Variants in ASTN2 observed in about 807,000 individuals in gnomAD.
ASTN2 encodes the protein astrotactin-2.
In ASTN2, 54 loss-of-function variants were observed where a neutral mutation model predicts 139.8. The observed-to-expected ratio is 0.39, with a 90% CI of 0.31 to 0.48. The LOEUF is 0.48. Ranked by LOEUF, ASTN2 falls within the 20% of genes least tolerant of loss-of-function variation. ASTN2 has a pLI of 0.95. For synonymous variants in ASTN2, 756 were observed against 719.5 expected, an observed-to-expected ratio of 1.05 and a Z score of -0.81; for missense variants, 1,565 against 1,725.1, an observed-to-expected ratio of 0.91 and a Z score of 1.64.
chr9:117,293,773 T>C (rs1221574766), intron 1 of ASTN2, among the ~76,000 whole-genome samples: 1 of 152,244 alleles, frequency 6.6e-6, no homozygotes, highest in Non-Finnish European at 1.5e-5. Context: ...GTAAATGGTC[T>C]GGCTCATTTT....
In ASTN2 at chr9:116,440,710, C is replaced by T. The variant is rs1177740339; in HGVS notation, c.3681G>A (p.Glu1227=). ...EQQMAYNTLM[E]VSASMLFRVQ... ...CTCGGAACAGCATCGAGGCTGAGACCTCCATCAGTGTGTTGTAGGCCATCT... is the reference window on the plus strand; with the variant it reads ...CTCGGAACAGCATCGAGGCTGAGACTTCCATCAGTGTGTTGTAGGCCATCT... The change falls in exon 22 of 23, where the codon GAG becomes GAA. Residue 1227 remains glutamate, a synonymous_variant. Transcript: ENST00000313400. 1 of 1,614,180 alleles carries T rather than the reference C, an allele frequency of 6.2e-7. No individual in the cohort carries two copies. The highest frequency in any genetic ancestry group is 1.1e-5 in the South Asian group (1 of 91,078).
chr9:116,796,162 T>C (rs1057511071), intron 13 of ASTN2, among the ~76,000 whole-genome samples: 3 of 152,162 alleles, frequency 2.0e-5, no homozygotes, highest in African/African-American at 7.2e-5. Context: ...CACCAGGAAG[T>C]GGGCATTGTT....
At chr9:116,594,970 C>A (rs1437960973) in intron 19 of ASTN2, among the ~76,000 whole-genome samples, 1 of 152,162 alleles carries the variant, frequency 6.6e-6, no homozygotes, top group Non-Finnish European at 1.5e-5. Flanking sequence ...TACACACATA[C>A]ATACATAATT....
chr9:116,455,348 CA>C (rs34816182), intron 20 of ASTN2, among the ~76,000 whole-genome samples: 37,540 of 123,346 alleles, frequency 0.3, 4,781 homozygotes, highest in East Asian at 0.6. Context: ...GATTCTGTCT[CA>C]AAAAAAAAAA....
At chr9:116,810,367 C>A (rs895053728) in intron 12 of ASTN2, among the ~76,000 whole-genome samples, 1 of 152,126 alleles carries the variant, frequency 6.6e-6, no homozygotes, top group Non-Finnish European at 1.5e-5. Flanking sequence ...CTAACAGAGT[C>A]CAAATGCTGA....
chr9:116,784,442 A>C (rs1830306771), intron 13 of ASTN2, among the ~76,000 whole-genome samples: 1 of 152,244 alleles, frequency 6.6e-6, no homozygotes, highest in Non-Finnish European at 1.5e-5. Flanking sequence ...CATTAATATT[A>C]TTAGACAGTA....
chr9:116,687,226 A>G (rs1264230299), intron 16 of ASTN2: 1 of 1,004,482 alleles, frequency 1.0e-6, no homozygotes, highest in Non-Finnish European at 1.2e-6. Flanking sequence ...GGCCAGCTGC[A>G]CGACAAGCCC....
At position 116,746,539 on chromosome 9, in the gene ASTN2, C is replaced by A. The variant is rs560099880; in HGVS notation, c.2397-13016G>T. Among the ~76,000 whole-genome samples the A allele has an allele frequency of 1.5e-4, 23 of 152,294 alleles. No homozygotes were observed. The South Asian group carries it at 4.8e-3, about 32-fold the overall frequency. On this transcript the variant is annotated intron_variant, in intron 13 of 22. Coordinates refer to ENST00000313400, the MANE Select transcript of ASTN2 (RefSeq NM_001365068.1). ...GAGCTGATTGGCAACCCTATTCCAC[C>A]TGCACTCTGAATGTTTTCTTTTCTA...
At chr9:117,120,028 A>ACCCTGAG (rs1829513493) in intron 4 of ASTN2, among the ~76,000 whole-genome samples, 1 of 91,062 alleles carries the variant, frequency 1.1e-5, no homozygotes, top group Non-Finnish European at 2.5e-5. Flanking sequence ...GTATATATAT[A>ACCCTGAG]TATATATATA....
intron 10 of ASTN2, among the ~76,000 whole-genome samples, chr9:116,875,226 T>C (rs562927663): frequency 1.8e-4 from 28 of 152,308 alleles, no homozygotes; most frequent in African/African-American, 6.5e-4. Flanking sequence ...TAAAGGAAAT[T>C]AGAAGTGCTA....
intron 16 of ASTN2, among the ~76,000 whole-genome samples, chr9:116,672,203 A>G (rs1475075406): frequency 1.3e-5 from 2 of 151,990 alleles, no homozygotes; most frequent in African/African-American, 2.4e-5. Flanking sequence ...GTGAAACCCC[A>G]TATCTACAAA....
intron 2 of ASTN2, among the ~76,000 whole-genome samples, chr9:117,234,781 A>T (rs2133063053): frequency 6.6e-6 from 1 of 152,312 alleles, no homozygotes; most frequent in African/African-American, 2.4e-5. Flanking sequence ...AGGCACGATT[A>T]GTGGCAGAGC....
intron 2 of ASTN2, among the ~76,000 whole-genome samples, chr9:117,246,727 G>C (rs905429298): frequency 2.0e-5 from 3 of 152,116 alleles, no homozygotes; most frequent in African/African-American, 7.2e-5. Context: ...GAGCATCTAG[G>C]GGGTACAAGG....
intron 6 of ASTN2, among the ~76,000 whole-genome samples, chr9:117,017,032 T>C (rs1354789482): frequency 2.0e-5 from 3 of 151,658 alleles, no homozygotes; most frequent in South Asian, 4.2e-4. Context: ...TGCTTCAAAG[T>C]TGAGTTAGGG....
intron 13 of ASTN2, among the ~76,000 whole-genome samples, chr9:116,757,862 A>T (rs1829576119): frequency 6.6e-6 from 1 of 152,210 alleles, no homozygotes; most frequent in South Asian, 2.1e-4. Context: ...ATCATAAAAA[A>T]GTTATATGCT....
chr9:116,442,558 A>G lies in ASTN2; in HGVS notation c.3498-5T>C, dbSNP rs758531188. On this transcript the variant is annotated splice_region_variant and splice_polypyrimidine_tract_variant and intron_variant, in intron 20 of 22. Coordinates refer to ENST00000313400, the MANE Select transcript of ASTN2 (RefSeq NM_001365068.1). ...TCCACAGCATACAGAGTGAACCTGC[A>G]GCACAGCAAGAAAACAGAGCACCAG... 3 of 1,613,862 alleles carry G rather than the reference A, an allele frequency of 1.9e-6. No homozygotes were observed. The highest frequency in any genetic ancestry group is 2.5e-6 in the Non-Finnish European group (3 of 1,179,702).
chr9:117,114,076 TTAG>T (rs1485267803), intron 4 of ASTN2, among the ~76,000 whole-genome samples: 5 of 152,174 alleles, frequency 3.3e-5, no homozygotes, highest in Admixed American at 2.6e-4. Context: ...AATTTATATG[TTAG>T]TAGTTTTTGG....
chr9:117,410,530 T>C (rs1281911022), intron 1 of ASTN2, among the ~76,000 whole-genome samples: 3 of 152,172 alleles, frequency 2.0e-5, no homozygotes, highest in Non-Finnish European at 4.4e-5. Flanking sequence ...ATCTACCCAC[T>C]CATATTGCAG....
At chr9:117,195,313 A>G (rs192501329) in intron 3 of ASTN2, among the ~76,000 whole-genome samples, 54 of 152,262 alleles carry the variant, frequency 3.5e-4, no homozygotes, top group Non-Finnish European at 7.4e-5. Flanking sequence ...GGCAAAGATA[A>G]TCATGGCACA....
Sources: gnomAD v4.1 joint callset for allele counts (sites outside exome capture counted in the v4.1 genomes callset) on GRCh38, gnomAD v4.1.1 for gene constraint, MANE v1.5 for transcripts, NCBI Gene and HGNC (gene_info 2026-07-23, HGNC 2026-07-21) for gene names.